GPHN: variants seen among roughly 807,000 people sequenced by gnomAD.
GPHN encodes gephyrin.
Under a neutral mutation model 95.5 loss-of-function variants are expected in GPHN, and 17 were observed. That is an observed-to-expected ratio of 0.18 (90% confidence interval 0.12 to 0.27). GPHN has a LOEUF of 0.27. Among genes scored for constraint, GPHN ranks in the 10% least tolerant of loss-of-function variants. The probability of loss-of-function intolerance (pLI) is 1.00; values close to 1 mark genes in which losing one functional copy is unlikely to be tolerated. For missense variants in GPHN, 660 were observed against 978.1 expected, an observed-to-expected ratio of 0.67 and a Z score of 4.34; for synonymous variants, 320 against 322.5, an observed-to-expected ratio of 0.99 and a Z score of 0.08.
At chr14:67,267,759 G>C in the GPHN span, among the ~76,000 whole-genome samples, 1 of 152,082 alleles carries the variant, frequency 6.6e-6, no homozygotes. Flanking sequence ...GTCAGAATCT[G>C]TTTCCATCTC....
At chr14:66,951,914 T>G (rs1376708414) in intron 8 of GPHN, among the ~76,000 whole-genome samples, 1 of 152,016 alleles carries the variant, frequency 6.6e-6, no homozygotes, top group African/African-American at 2.4e-5. Flanking sequence ...CAACTCCAGG[T>G]GTATTAGAGA....
intron 1 of GPHN, among the ~76,000 whole-genome samples, chr14:66,572,359 G>A (rs7145395): frequency 0.34 from 51,945 of 151,962 alleles, 13,416 homozygotes; most frequent in African/African-American, 0.7. Context: ...CATTTTACCA[G>A]AATTTTTACA....
At chr14:66,710,252 A>G in intron 2 of GPHN, among the ~76,000 whole-genome samples, 1 of 152,218 alleles carries the variant, frequency 6.6e-6, no homozygotes, top group East Asian at 1.9e-4. Flanking sequence ...ATACAAATAT[A>G]TGCCAAATAG....
intron 1 of GPHN, 72 bp from the exon 2 acceptor site, chr14:66,681,035 T>A: frequency 2.3e-6 from 2 of 858,386 alleles, no homozygotes; most frequent in Non-Finnish European, 3.9e-6. Context: ...CAAAATGTCT[T>A]TTGGTCAGCA....
At chr14:66,935,759 CTA>C (rs1273016873) in intron 8 of GPHN, among the ~76,000 whole-genome samples, 1 of 151,696 alleles carries the variant, frequency 6.6e-6, no homozygotes, top group Admixed American at 6.6e-5. Flanking sequence ...TATATTAAAA[CTA>C]TATATATACA....
At chr14:67,053,707 A>C (rs1225386292) in intron 10 of GPHN, among the ~76,000 whole-genome samples, 1 of 152,220 alleles carries the variant, frequency 6.6e-6, no homozygotes, top group South Asian at 2.1e-4. Context: ...TGATGCAAAA[A>C]TTCTCAATAA....
chr14:66,963,325 T>C (rs183514301), intron 8 of GPHN, among the ~76,000 whole-genome samples: 9 of 152,172 alleles, frequency 5.9e-5, no homozygotes, highest in African/African-American at 1.9e-4. Flanking sequence ...GTAGTGTATA[T>C]ATGCAGTTAT....
the GPHN span, among the ~76,000 whole-genome samples, chr14:67,393,692 G>A: frequency 6.6e-6 from 1 of 152,144 alleles, no homozygotes; most frequent in South Asian, 2.1e-4. Context: ...GACCTCAAGT[G>A]ATCCGCCTGC....
chr14:67,698,506 G>A, the GPHN span, among the ~76,000 whole-genome samples: 9 of 152,308 alleles, frequency 5.9e-5, no homozygotes, highest in East Asian at 1.7e-3. Flanking sequence ...ATTATGAAAT[G>A]GGTAGAGGGA....
the GPHN span, among the ~76,000 whole-genome samples, chr14:67,329,849 A>AATAC: frequency 9.1e-6 from 1 of 109,890 alleles, no homozygotes; most frequent in Non-Finnish European, 1.6e-5. Context: ...TAAATAAATA[A>AATAC]ATAAATAAAT....
At chr14:66,547,916 T>C (rs1031299431) in intron 1 of GPHN, among the ~76,000 whole-genome samples, 3 of 152,234 alleles carry the variant, frequency 2.0e-5, no homozygotes, top group African/African-American at 2.4e-5. Context: ...GTTGGTATTA[T>C]TATTCCATCA....
chr14:66,930,459 C>A (rs543530722), intron 8 of GPHN, among the ~76,000 whole-genome samples: 1 of 151,816 alleles, frequency 6.6e-6, no homozygotes, highest in South Asian at 2.1e-4. Context: ...AAATTCATCC[C>A]CCCAGTTTTA....
At chr14:67,053,193 A>G (rs1376341904) in intron 10 of GPHN, among the ~76,000 whole-genome samples, 4 of 148,264 alleles carry the variant, frequency 2.7e-5, no homozygotes, top group Admixed American at 1.3e-4. Context: ...TTTTTTTGGA[A>G]AAAAAAATTA....
intron 2 of GPHN, among the ~76,000 whole-genome samples, chr14:66,755,260 G>C (rs2058517146): frequency 6.6e-6 from 1 of 152,042 alleles, no homozygotes; most frequent in Admixed American, 6.6e-5. Context: ...GTATTTATTA[G>C]CTTGACTTTA....
At chr14:67,046,754 A>C (rs1401928818) in intron 10 of GPHN, among the ~76,000 whole-genome samples, 1 of 152,232 alleles carries the variant, frequency 6.6e-6, no homozygotes, top group African/African-American at 2.4e-5. Context: ...ATTAGATTGA[A>C]GACAATATGA....
chr14:67,216,480 G>A, the GPHN span, among the ~76,000 whole-genome samples: 4 of 151,914 alleles, frequency 2.6e-5, no homozygotes, highest in Admixed American at 1.3e-4. Context: ...GTTCCTCAAG[G>A]TGCATCATTA....
At chr14:66,876,155 T>C (rs1285326476) in intron 4 of GPHN, among the ~76,000 whole-genome samples, 1 of 152,098 alleles carries the variant, frequency 6.6e-6, no homozygotes, top group Non-Finnish European at 1.5e-5. Context: ...AACTACTGGG[T>C]AAATAACAAA....
chr14:67,148,251 C>G (rs2081018411), intron 18 of GPHN, among the ~76,000 whole-genome samples: 1 of 152,030 alleles, frequency 6.6e-6, no homozygotes, highest in Admixed American at 6.6e-5. Flanking sequence ...GCAAATTACA[C>G]AAAAAGAATA....
chr14:67,379,360 T>A, the GPHN span, among the ~76,000 whole-genome samples: 1 of 152,266 alleles, frequency 6.6e-6, no homozygotes, highest in Non-Finnish European at 1.5e-5. Flanking sequence ...GTAGTATCTT[T>A]TGATTTGCAT....
Sources: allele counts gnomAD v4.1 joint callset (sites outside exome capture counted in the v4.1 genomes callset), GRCh38; gene constraint gnomAD v4.1.1; transcripts MANE v1.5; gene names NCBI Gene and HGNC (gene_info 2026-07-23, HGNC 2026-07-21).